The following ARHGAP24 variants were observed in gnomAD, a reference collection of about 807,000 sequenced individuals.
ARHGAP24 encodes the protein Rho GTPase activating protein 24, also known as rho GTPase-activating protein 24.
ARHGAP24 carries 50 observed loss-of-function variants against 76.4 expected under a neutral mutation model. That is an observed-to-expected ratio of 0.65 (90% CI 0.52 to 0.83). The LOEUF is 0.83. Ranked by LOEUF, ARHGAP24 falls within the 40% of genes least tolerant of loss-of-function variation. The pLI is 0.00. For synonymous variants in ARHGAP24, 345 were observed against 323.3 expected, an observed-to-expected ratio of 1.07 and a Z score of -0.72; for missense variants, 930 against 914.2, an observed-to-expected ratio of 1.02 and a Z score of -0.22.
rs192442030 is a variant in ARHGAP24, at chr4:85,788,076, G to A, written c.268+66104G>A. On this transcript the variant is annotated intron_variant, in intron 3 of 9. Transcript: ENST00000395184. ...GAGACAAATCCAGAGAAGCCCAAAC[G>A]TAGCCACAGGGTCTGTGGACTTAAG... Among the ~76,000 whole-genome samples, 7 of 152,226 alleles carry A rather than the reference G, an allele frequency of 4.6e-5. No homozygotes were observed. The East Asian group carries it at 5.8e-4, about 13-fold the overall frequency.
intron 8 of ARHGAP24, among the ~76,000 whole-genome samples, chr4:85,980,552 C>G (rs1465486466): frequency 6.6e-6 from 1 of 152,120 alleles, no homozygotes; most frequent in Admixed American, 6.5e-5. Context: ...TTTTAATCCT[C>G]CTTTTATTCT....
intron 3 of ARHGAP24, among the ~76,000 whole-genome samples, chr4:85,815,496 A>G (rs1284134390): frequency 2.0e-5 from 3 of 152,214 alleles, no homozygotes; most frequent in Non-Finnish European, 2.9e-5. Context: ...TCTCTAGGGC[A>G]GGGGCAAAAT....
chr4:85,887,942 G>C (rs1239489052), intron 3 of ARHGAP24, among the ~76,000 whole-genome samples: 3 of 152,050 alleles, frequency 2.0e-5, no homozygotes, highest in Non-Finnish European at 4.4e-5. Flanking sequence ...AAATATCAAA[G>C]CTGGCATTTT....
intron 2 of ARHGAP24, among the ~76,000 whole-genome samples, chr4:85,583,421 A>T (rs1228085019): frequency 6.6e-6 from 1 of 152,100 alleles, no homozygotes; most frequent in African/African-American, 2.4e-5. Flanking sequence ...AAGAGACAGA[A>T]CTTCAGAAGG....
intron 2 of ARHGAP24, among the ~76,000 whole-genome samples, chr4:85,620,266 G>A (rs1263404900): frequency 6.6e-6 from 1 of 151,946 alleles, no homozygotes; most frequent in Non-Finnish European, 1.5e-5. Flanking sequence ...GAATTTTGCA[G>A]TGAAGCCATC....
intron 3 of ARHGAP24, among the ~76,000 whole-genome samples, chr4:85,725,347 C>A (rs1725129092): frequency 6.7e-6 from 1 of 150,074 alleles, no homozygotes; most frequent in Admixed American, 6.6e-5. Context: ...GGAAGAATCT[C>A]AGTCATATGA....
chr4:85,872,789 T>G (rs1732617238), intron 3 of ARHGAP24, among the ~76,000 whole-genome samples: 1 of 149,372 alleles, frequency 6.7e-6, no homozygotes, highest in African/African-American at 2.5e-5. Flanking sequence ...TTTGTAGAGA[T>G]GGGGTCTTGC....
chr4:85,986,897 T>A (rs1395719367), intron 8 of ARHGAP24, among the ~76,000 whole-genome samples: 1 of 152,036 alleles, frequency 6.6e-6, no homozygotes, highest in Non-Finnish European at 1.5e-5. Flanking sequence ...TATGGATTAG[T>A]CCTCACAAAT....
intron 2 of ARHGAP24, among the ~76,000 whole-genome samples, chr4:85,634,312 A>T (rs1463905548): frequency 6.6e-6 from 1 of 151,832 alleles, no homozygotes; most frequent in Non-Finnish European, 1.5e-5. Context: ...ATATTCCTTA[A>T]ATACTCTATT....
chr4:85,726,598 C>T (rs1725176640), intron 3 of ARHGAP24, among the ~76,000 whole-genome samples: 1 of 152,118 alleles, frequency 6.6e-6, no homozygotes, highest in Non-Finnish European at 1.5e-5. Flanking sequence ...GAAGCTGTTC[C>T]TGCTGCGTTG....
intron 3 of ARHGAP24, among the ~76,000 whole-genome samples, chr4:85,790,242 A>G (rs1728056089): frequency 6.6e-6 from 1 of 152,114 alleles, no homozygotes; most frequent in African/African-American, 2.4e-5. Context: ...GCTGTATTAT[A>G]CCTCTCGGAC....
intron 3 of ARHGAP24, among the ~76,000 whole-genome samples, chr4:85,899,774 A>G (rs1480868513): frequency 6.6e-6 from 1 of 152,234 alleles, no homozygotes; most frequent in Non-Finnish European, 1.5e-5. Context: ...CAGGCTGAGC[A>G]TGGTGGCTCA....
chr4:85,506,455 A>G (rs1253426325), intron 1 of ARHGAP24, among the ~76,000 whole-genome samples: 2 of 152,054 alleles, frequency 1.3e-5, no homozygotes, highest in Non-Finnish European at 2.9e-5. Context: ...GCAATGGCGG[A>G]CGCCCCTCCC....
intron 3 of ARHGAP24, among the ~76,000 whole-genome samples, chr4:85,831,276 A>G (rs1560657643): frequency 6.6e-6 from 1 of 152,232 alleles, no homozygotes. Context: ...TCAAATAATC[A>G]GTAAGACAAT....
chr4:85,724,746 G>A (rs990240151), intron 3 of ARHGAP24, among the ~76,000 whole-genome samples: 3 of 151,844 alleles, frequency 2.0e-5, no homozygotes, highest in African/African-American at 7.3e-5. Flanking sequence ...ATGTTTTAGG[G>A]TTGATTTCCT....
chr4:85,934,941 A>G (rs1196177610), intron 4 of ARHGAP24, among the ~76,000 whole-genome samples: 2 of 152,212 alleles, frequency 1.3e-5, no homozygotes, highest in African/African-American at 4.8e-5. Context: ...ACACACACAC[A>G]TATTCATTCC....
chr4:85,875,951 C>A (rs1485431899), intron 3 of ARHGAP24, among the ~76,000 whole-genome samples: 1 of 151,794 alleles, frequency 6.6e-6, no homozygotes, highest in East Asian at 1.9e-4. Context: ...CTATGTTGGC[C>A]AGGCTGGTCT....
intron 2 of ARHGAP24, among the ~76,000 whole-genome samples, chr4:85,621,097 G>T (rs1164791538): frequency 6.6e-6 from 1 of 152,046 alleles, no homozygotes. Flanking sequence ...TTACTGCAAA[G>T]GACCTGATTT....
intron 1 of ARHGAP24, among the ~76,000 whole-genome samples, chr4:85,485,368 AAAAAAAAAATATATATATATATATAT>A (rs1460058420): frequency 1.3e-4 from 8 of 63,328 alleles, no homozygotes; most frequent in African/African-American, 5.0e-4. Context: ...AAAAAAAAAA[AAAAAAAAAATATATATATATATATAT>A]ATATATATAT....
Sources: allele counts gnomAD v4.1 joint callset (sites outside exome capture counted in the v4.1 genomes callset), GRCh38; gene constraint gnomAD v4.1.1; transcripts MANE v1.5; gene names NCBI Gene and HGNC (gene_info 2026-07-23, HGNC 2026-07-21).